The following JPH3 variants were observed in gnomAD, a reference collection of about 807,000 sequenced individuals.
The protein encoded by JPH3 is junctophilin 3.
A neutral mutation model predicts 59.6 loss-of-function variants in JPH3; 11 were observed. The observed-to-expected ratio is 0.18, with a 90% CI of 0.12 to 0.31. The LOEUF is 0.31. JPH3 is among the 10% of genes least tolerant of loss of function. JPH3 has a pLI of 1.00. For missense variants in JPH3, 1,202 were observed against 1,105.7 expected (o/e 1.09, Z -1.24); for synonymous variants, 673 against 483.6 (o/e 1.39, Z -5.14).
At chr16:87,631,991 T>TC (rs1322279240) in intron 1 of JPH3, among the ~76,000 whole-genome samples, 5 of 152,230 alleles carry the variant, frequency 3.3e-5, no homozygotes, top group African/African-American at 1.2e-4. Flanking sequence ...CCCTCTTTTT[T>TC]CCCACTTATT....
intron 1 of JPH3, among the ~76,000 whole-genome samples, chr16:87,619,849 G>A (rs1333356362): frequency 6.6e-6 from 1 of 152,176 alleles, no homozygotes; most frequent in Non-Finnish European, 1.5e-5. Flanking sequence ...CGGATGGGGC[G>A]CAAGGAAGGG....
rs372064790 is a variant in JPH3 at position 87,685,138 on chromosome 16, G to T, written c.1285+872G>T. On this transcript the variant is annotated intron_variant, in intron 3 of 4. Transcript: ENST00000284262. Reference sequence around the variant, plus strand: ...ACAGGATGAGGAGCCCAGCCTGGGGGCTGCGGGGCTGGGCGCTCCCCTGAC... The same window carrying T: ...ACAGGATGAGGAGCCCAGCCTGGGGTCTGCGGGGCTGGGCGCTCCCCTGAC... Among the ~76,000 whole-genome samples the T allele has an allele frequency of 2.0e-5, 3 of 152,218 alleles. No individual in the cohort carries two copies. The East Asian group carries it at 5.8e-4, about 29-fold the overall frequency.
chr16:87,694,500 G>A (rs1056565722), intron 4 of JPH3: 4 of 152,238 alleles, frequency 2.6e-5, no homozygotes, highest in African/African-American at 9.6e-5. Context: ...CATCCCCAGA[G>A]GGAGTTCTCC....
intron 1 of JPH3, among the ~76,000 whole-genome samples, chr16:87,639,635 G>GCCTC (rs902533604): frequency 7.8e-6 from 1 of 127,800 alleles, no homozygotes; most frequent in Non-Finnish European, 1.7e-5. Flanking sequence ...CTCCCTCCTG[G>GCCTC]CCTCCCGCCT....
At chr16:87,684,506 G>T in intron 3 of JPH3, 2 of 549,504 alleles carry the variant, frequency 3.6e-6, no homozygotes, top group Non-Finnish European at 3.2e-6. Context: ...CACAGTCCTT[G>T]GGGCACCGCG....
chr16:87,695,842 G>A (rs1489728536), intron 4 of JPH3: 1 of 456,080 alleles, frequency 2.2e-6, no homozygotes, highest in East Asian at 7.0e-5. Flanking sequence ...GCCCCGGCAA[G>A]CACAGGGAAG....
intron 4 of JPH3, among the ~76,000 whole-genome samples, chr16:87,691,509 G>T (rs1216251654): frequency 6.6e-6 from 1 of 152,148 alleles, no homozygotes; most frequent in Non-Finnish European, 1.5e-5. Flanking sequence ...CGGGCAGGGG[G>T]GACCATTGGT....
At chr16:87,636,490 C>A (rs1365422600) in intron 1 of JPH3, among the ~76,000 whole-genome samples, 1 of 152,184 alleles carries the variant, frequency 6.6e-6, no homozygotes, top group African/African-American at 2.4e-5. Flanking sequence ...AGAGGAGCAA[C>A]TGCGGCGAGC....
At chr16:87,608,660 G>C (rs556753535) in intron 1 of JPH3, among the ~76,000 whole-genome samples, 7 of 152,332 alleles carry the variant, frequency 4.6e-5, no homozygotes, top group African/African-American at 1.7e-4. Flanking sequence ...TTTCGCTCTA[G>C]GCATCCTCTT....
At chr16:87,685,887 C>T (rs919107455) in intron 3 of JPH3, among the ~76,000 whole-genome samples, 10 of 152,174 alleles carry the variant, frequency 6.6e-5, no homozygotes, top group African/African-American at 2.4e-4. Flanking sequence ...ACCGGAAGCT[C>T]CCAACGTGAC....
At chr16:87,675,545 C>T (rs2033123158) in intron 2 of JPH3, among the ~76,000 whole-genome samples, 1 of 152,188 alleles carries the variant, frequency 6.6e-6, no homozygotes, top group Admixed American at 6.5e-5. Context: ...TGCCGGCAGC[C>T]CGCAGTGGCA....
rs751234586 is a variant in JPH3 at position 87,695,682 on chromosome 16, C to T, written c.2167-898C>T. The T allele has an allele frequency of 1.8e-4, 82 of 455,212 alleles. 1 individual carries two copies. The highest frequency in any genetic ancestry group is 1.3e-3 in the South Asian group (82 of 64,502). The allele number at this position is 455,212 out of a possible 1,614,324, so 28.2% of individuals were successfully genotyped here. On this transcript the variant is annotated intron_variant, in intron 4 of 4. Transcript: ENST00000284262. ...GGTACTGTATCTGTAGGGCAGCACCCACCCCTGCCGTCCTGGGAGCTTCCC... is the reference window on the plus strand; with the variant it reads ...GGTACTGTATCTGTAGGGCAGCACCTACCCCTGCCGTCCTGGGAGCTTCCC...
chr16:87,644,766 C>G lies in JPH3; in HGVS notation c.891C>G (p.Arg297=). The G allele has an allele frequency of 6.2e-7, 1 of 1,613,360 alleles. No individual in the cohort carries two copies. The highest frequency in any genetic ancestry group is 8.5e-7 in the Non-Finnish European group (1 of 1,179,914). ...TYVGEWKNDK[R]SGFGVSQRSD... is the part of the protein sequence containing the mutation. ...TGGGCGAGTGGAAGAACGACAAACG[C>G]TCCGGCTTCGGCGTGAGCCAGCGCT... Residue 297 remains arginine, a synonymous_variant, in exon 2 of 5, where the codon CGC becomes CGG. Transcript: ENST00000284262.
intron 2 of JPH3, among the ~76,000 whole-genome samples, chr16:87,653,365 G>T (rs2150852363): frequency 6.6e-6 from 1 of 152,290 alleles, no homozygotes; most frequent in East Asian, 1.9e-4. Context: ...CTTGCTGGCT[G>T]CAGGGTTCTC....
At chr16:87,643,809 G>A (rs1011847586) in intron 1 of JPH3, among the ~76,000 whole-genome samples, 20 of 152,014 alleles carry the variant, frequency 1.3e-4, no homozygotes, top group Non-Finnish European at 2.6e-4. Context: ...AGGTACCATG[G>A]TCTGTCTGCC....
At chr16:87,677,627 G>T (rs2033185365) in intron 2 of JPH3, among the ~76,000 whole-genome samples, 2 of 152,218 alleles carry the variant, frequency 1.3e-5, no homozygotes, top group Admixed American at 1.3e-4. Context: ...AACGTGGACA[G>T]CGTGGCCCCC....
intron 3 of JPH3, among the ~76,000 whole-genome samples, chr16:87,688,348 A>C (rs1235355491): frequency 6.6e-6 from 1 of 152,252 alleles, no homozygotes; most frequent in Non-Finnish European, 1.5e-5. Context: ...ACAGCAGCCC[A>C]GCCTGGTGGC....
intron 2 of JPH3, among the ~76,000 whole-genome samples, chr16:87,660,049 C>T (rs2032651299): frequency 6.6e-6 from 1 of 151,684 alleles, no homozygotes. Context: ...TACCAAGCCC[C>T]AGCCCTGCCA....
chr16:87,637,407 A>T (rs971960084), intron 1 of JPH3, among the ~76,000 whole-genome samples: 2 of 133,004 alleles, frequency 1.5e-5, no homozygotes, highest in African/African-American at 6.3e-5. Context: ...AGAGAGAGAG[A>T]GAGAGTGTGT....
Sources: allele counts gnomAD v4.1 joint callset (sites outside exome capture counted in the v4.1 genomes callset), GRCh38; gene constraint gnomAD v4.1.1; transcripts MANE v1.5; gene names NCBI Gene and HGNC (gene_info 2026-07-23, HGNC 2026-07-21).